TANC2: variants seen among roughly 807,000 people sequenced by gnomAD.
TANC2 encodes protein TANC2.
A neutral mutation model predicts 210.5 loss-of-function variants in TANC2; 26 were observed. That is an observed-to-expected ratio of 0.12 (90% CI 0.09 to 0.17). TANC2 has a LOEUF of 0.17. TANC2 is among the 10% of genes least tolerant of loss of function. The pLI is 1.00. For missense variants in TANC2, 2,129 were observed against 2,608.9 expected (o/e 0.82, Z 4.01); for synonymous variants, 931 against 967.1 (o/e 0.96, Z 0.69).
intron 9 of TANC2, among the ~76,000 whole-genome samples, chr17:63,293,344 T>C (rs2044437999): frequency 6.6e-6 from 1 of 152,198 alleles, no homozygotes; most frequent in African/African-American, 2.4e-5. Flanking sequence ...CTGTTTTATG[T>C]AGAGAATAGC....
rs568031342 is a variant in TANC2 at position 63,028,570 on chromosome 17, C to T, written c.67+18944C>T. On this transcript the variant is annotated intron_variant, in intron 2 of 27. Coordinates refer to ENST00000689528, the Ensembl canonical transcript of TANC2. ...GTTGGTTGGTTCAGATTTGCCTCAA[C>T]TCCCCATCTCGGGTGATAAGAATAT... Among the ~76,000 whole-genome samples the T allele has an allele frequency of 4.6e-5, 7 of 152,246 alleles. No individual in the cohort carries two copies. In the South Asian group the frequency reaches 1.4e-3, roughly 32 times the overall value.
At chr17:62,988,939 A>C (rs2032714954) in intron 1 of TANC2, among the ~76,000 whole-genome samples, 1 of 152,192 alleles carries the variant, frequency 6.6e-6, no homozygotes, top group Non-Finnish European at 1.5e-5. Flanking sequence ...ATTTTGTATA[A>C]AGTTCCCCTT....
chr17:63,264,094 G>A (rs1567864340), intron 8 of TANC2, among the ~76,000 whole-genome samples: 1 of 152,146 alleles, frequency 6.6e-6, no homozygotes, highest in East Asian at 1.9e-4. Context: ...ATCCTCCTTG[G>A]ACCAGTGGGC....
intron 2 of TANC2, among the ~76,000 whole-genome samples, chr17:63,012,968 T>C (rs1214228444): frequency 2.0e-5 from 3 of 152,214 alleles, no homozygotes; most frequent in Non-Finnish European, 2.9e-5. Context: ...AAGACTCTTT[T>C]AGAATTTACT....
At chr17:63,310,616 T>A (rs2045090890) in intron 9 of TANC2, among the ~76,000 whole-genome samples, 2 of 152,270 alleles carry the variant, frequency 1.3e-5, no homozygotes, top group Middle Eastern at 3.4e-3. Context: ...CCAATAGAAA[T>A]GTGAGTAAAA....
At chr17:63,344,951 C>G (rs184903432) in intron 12 of TANC2, among the ~76,000 whole-genome samples, 3 of 152,232 alleles carry the variant, frequency 2.0e-5, no homozygotes, top group Non-Finnish European at 4.4e-5. Flanking sequence ...ACCTGACTAC[C>G]CTGAGTTCAC....
Position 63,314,737 on chromosome 17 carries a change from A to AG in TANC2, c.1441+70dup. ...GAAGTTTTTCTGACATATTTATATT[A>AG]GGTCGTATATCCTTTTATTTTCTCA... On this transcript the variant is annotated intron_variant, in intron 10 of 27. Coordinates refer to ENST00000689528, the Ensembl canonical transcript of TANC2. 3.2e-6 allele frequency: 5 copies of AG among 1,556,860 alleles called. No individual in the cohort carries two copies. In the South Asian group the frequency reaches 6.0e-5, roughly 19 times the overall value.
chr17:63,044,720 T>C (rs1459188902), intron 2 of TANC2, among the ~76,000 whole-genome samples: 1 of 152,174 alleles, frequency 6.6e-6, no homozygotes, highest in African/African-American at 2.4e-5. Flanking sequence ...AGTTTTTTCT[T>C]TTTCCTATCC....
chr17:63,260,906 T>C (rs896796918), intron 8 of TANC2, among the ~76,000 whole-genome samples: 2 of 152,126 alleles, frequency 1.3e-5, no homozygotes, highest in South Asian at 2.1e-4. Flanking sequence ...AGCATACTTA[T>C]TTTAACAGAA....
chr17:63,127,851 T>C (rs1229215249), intron 4 of TANC2, among the ~76,000 whole-genome samples: 1 of 152,226 alleles, frequency 6.6e-6, no homozygotes, highest in East Asian at 1.9e-4. Flanking sequence ...ATTTCTTAAC[T>C]GACCTTCCCC....
At chr17:63,187,982 A>G (rs527438813) in intron 5 of TANC2, among the ~76,000 whole-genome samples, 15 of 152,218 alleles carry the variant, frequency 9.9e-5, no homozygotes, top group Non-Finnish European at 1.9e-4. Flanking sequence ...AGCAAAGTGA[A>G]GGTTTTCTCA....
intron 8 of TANC2, among the ~76,000 whole-genome samples, chr17:63,239,148 TAAA>T (rs200046501): frequency 5.6e-5 from 7 of 124,520 alleles, no homozygotes; most frequent in African/African-American, 3.0e-5. Context: ...ACCTTGTCTC[TAAA>T]AAAAAAAAAA....
At chr17:63,291,735 G>A (rs537575451) in intron 9 of TANC2, among the ~76,000 whole-genome samples, 58 of 152,202 alleles carry the variant, frequency 3.8e-4, no homozygotes, top group Middle Eastern at 3.4e-3. Context: ...ACATTTCCTC[G>A]TTTAACCTTA....
intron 5 of TANC2, among the ~76,000 whole-genome samples, chr17:63,190,181 T>C (rs1215881916): frequency 6.6e-6 from 1 of 151,740 alleles, no homozygotes; most frequent in East Asian, 1.9e-4. Flanking sequence ...CAAAAAAATT[T>C]TTAAAAAAAT....
intron 1 of TANC2, among the ~76,000 whole-genome samples, chr17:63,007,173 G>A (rs1323431426): frequency 6.6e-6 from 1 of 152,146 alleles, no homozygotes; most frequent in Non-Finnish European, 1.5e-5. Context: ...AGGTTGCAGT[G>A]AGCTATAATC....
intron 1 of TANC2, among the ~76,000 whole-genome samples, chr17:62,979,431 A>C (rs2032190095): frequency 1.3e-5 from 2 of 152,252 alleles, no homozygotes; most frequent in African/African-American, 4.8e-5. Flanking sequence ...GTCTGTAGGG[A>C]TATTCTACTC....
At chr17:63,377,260 T>C (rs767049773) in intron 14 of TANC2, among the ~76,000 whole-genome samples, 1 of 152,224 alleles carries the variant, frequency 6.6e-6, no homozygotes, top group Non-Finnish European at 1.5e-5. Context: ...CCTCATTGAG[T>C]ATGCAGATTT....
At chr17:62,976,807 C>T (rs919191249) in intron 1 of TANC2, among the ~76,000 whole-genome samples, 5 of 152,202 alleles carry the variant, frequency 3.3e-5, no homozygotes, top group Non-Finnish European at 7.3e-5. Context: ...AGCATTAGGT[C>T]GTAGCTTGTT....
At chr17:63,275,200 A>T (rs1278070947) in intron 9 of TANC2, among the ~76,000 whole-genome samples, 1 of 152,150 alleles carries the variant, frequency 6.6e-6, no homozygotes, top group South Asian at 2.1e-4. Flanking sequence ...TGAAGAAATT[A>T]TATATTGCTA....
Sources: allele counts gnomAD v4.1 joint callset (sites outside exome capture counted in the v4.1 genomes callset), GRCh38; gene constraint gnomAD v4.1.1; transcripts MANE v1.5; gene names NCBI Gene and HGNC (gene_info 2026-07-23, HGNC 2026-07-21).